Variants in MARCHF1 observed in about 807,000 individuals in gnomAD.
MARCHF1 encodes the protein membrane associated ring-CH-type finger 1.
A neutral mutation model predicts 54.2 loss-of-function variants in MARCHF1; 40 were observed. The observed-to-expected ratio is 0.74, with a 90% confidence interval of 0.57 to 0.96. MARCHF1 has a LOEUF of 0.96. Among genes scored for constraint, MARCHF1 ranks in the 40% least tolerant of loss-of-function variants. MARCHF1 has a pLI of 0.00. For missense variants in MARCHF1, 586 were observed against 656.5 expected, an observed-to-expected ratio of 0.89 and a Z score of 1.17; for synonymous variants, 236 against 236.3, an observed-to-expected ratio of 1.00 and a Z score of 0.01.
chr4:163,686,446 T>C (rs944337297), intron 5 of MARCHF1, among the ~76,000 whole-genome samples: 1 of 149,378 alleles, frequency 6.7e-6, no homozygotes, highest in African/African-American at 2.4e-5. Context: ...TGTTATTAGC[T>C]TGGTGCAAAA....
At chr4:164,110,149 C>A (rs189752131) in intron 2 of MARCHF1, among the ~76,000 whole-genome samples, 48 of 151,116 alleles carry the variant, frequency 3.2e-4, no homozygotes, top group Admixed American at 1.2e-3. Flanking sequence ...CACACACACA[C>A]ACACACACAG....
At chr4:163,913,103 C>T (rs1318311040) in intron 3 of MARCHF1, among the ~76,000 whole-genome samples, 1 of 152,062 alleles carries the variant, frequency 6.6e-6, no homozygotes, top group Non-Finnish European at 1.5e-5. Context: ...AGTGTAAGGC[C>T]TTTTTAAAAA....
At chr4:163,830,459 A>G (rs183043920) in intron 4 of MARCHF1, among the ~76,000 whole-genome samples, 3 of 152,280 alleles carry the variant, frequency 2.0e-5, no homozygotes, top group Admixed American at 2.0e-4. Flanking sequence ...TGGGGCTCTC[A>G]GAGAAGTAGC....
At chr4:163,834,752 A>G (rs901992090) in intron 4 of MARCHF1, among the ~76,000 whole-genome samples, 1 of 151,910 alleles carries the variant, frequency 6.6e-6, no homozygotes, top group African/African-American at 2.4e-5. Flanking sequence ...AACAATGAGA[A>G]CACATATTGG....
At chr4:163,909,817 A>G (rs1751150469) in intron 3 of MARCHF1, among the ~76,000 whole-genome samples, 1 of 152,194 alleles carries the variant, frequency 6.6e-6, no homozygotes, top group South Asian at 2.1e-4. Context: ...GGGCATAAAT[A>G]TAATTAAAAG....
intron 4 of MARCHF1, among the ~76,000 whole-genome samples, chr4:163,715,574 C>T (rs891556571): frequency 1.3e-5 from 2 of 152,030 alleles, no homozygotes; most frequent in Non-Finnish European, 2.9e-5. Flanking sequence ...TAAAGTGTTT[C>T]TAAGATTTCT....
chr4:163,792,114 T>A (rs1747788266), intron 4 of MARCHF1, among the ~76,000 whole-genome samples: 1 of 152,172 alleles, frequency 6.6e-6, no homozygotes, highest in Non-Finnish European at 1.5e-5. Flanking sequence ...TAACTTTTAC[T>A]TTTTTCATTC....
chr4:163,686,361 T>TGGG (rs1198187914), intron 5 of MARCHF1, among the ~76,000 whole-genome samples: 2 of 151,692 alleles, frequency 1.3e-5, no homozygotes, highest in African/African-American at 4.8e-5. Context: ...GTTTCTTCAT[T>TGGG]GGGGTTCACA....
chr4:163,940,921 T>C (rs905373685), intron 3 of MARCHF1, among the ~76,000 whole-genome samples: 3 of 152,060 alleles, frequency 2.0e-5, no homozygotes, highest in African/African-American at 4.8e-5. Context: ...CAATAAATAC[T>C]TGTTTTCATA....
intron 3 of MARCHF1, among the ~76,000 whole-genome samples, chr4:163,864,000 C>A (rs1472490090): frequency 1.3e-5 from 2 of 151,726 alleles, no homozygotes; most frequent in Non-Finnish European, 2.9e-5. Flanking sequence ...ACATAAACAC[C>A]CACAAGTCTA....
At chr4:164,032,839 A>C (rs1753907109) in intron 2 of MARCHF1, among the ~76,000 whole-genome samples, 1 of 152,160 alleles carries the variant, frequency 6.6e-6, no homozygotes, top group African/African-American at 2.4e-5. Context: ...AAGAGCCTGC[A>C]AAGCCAAGAC....
At chr4:164,240,450 T>G (rs552808872) in intron 1 of MARCHF1, among the ~76,000 whole-genome samples, 26 of 152,316 alleles carry the variant, frequency 1.7e-4, no homozygotes, top group Admixed American at 1.1e-3. Flanking sequence ...TCTTGCTTTA[T>G]GTCTGCATCA....
chr4:164,088,746 T>A (rs573394889), intron 2 of MARCHF1, among the ~76,000 whole-genome samples: 6 of 151,434 alleles, frequency 4.0e-5, no homozygotes, highest in Admixed American at 3.3e-4. Flanking sequence ...CTCAGAAAAA[T>A]TAAAATAAAA....
At chr4:163,762,694 A>C (rs907751777) in intron 4 of MARCHF1, among the ~76,000 whole-genome samples, 1 of 152,124 alleles carries the variant, frequency 6.6e-6, no homozygotes, top group Non-Finnish European at 1.5e-5. Context: ...AGTAATCAAA[A>C]ATTTACATAA....
intron 2 of MARCHF1, among the ~76,000 whole-genome samples, chr4:164,101,921 G>A (rs1755572037): frequency 6.7e-6 from 1 of 150,176 alleles, no homozygotes; most frequent in Admixed American, 6.7e-5. Flanking sequence ...GTGCTTAAAG[G>A]AGCTGATGGA....
intron 1 of MARCHF1, among the ~76,000 whole-genome samples, chr4:164,327,161 A>C (rs1034684221): frequency 2.6e-5 from 4 of 152,204 alleles, no homozygotes; most frequent in Admixed American, 1.3e-4. Flanking sequence ...ATATAGTCTT[A>C]ACTTCAAATA....
chr4:163,936,293 T>G (rs1751793519), intron 3 of MARCHF1, among the ~76,000 whole-genome samples: 1 of 152,182 alleles, frequency 6.6e-6, no homozygotes, highest in Admixed American at 6.5e-5. Flanking sequence ...AGACTTGAAG[T>G]GAGCACATGC....
chr4:163,711,494 C>T (rs1003770241), intron 4 of MARCHF1, among the ~76,000 whole-genome samples: 3 of 152,142 alleles, frequency 2.0e-5, no homozygotes, highest in African/African-American at 4.8e-5. Flanking sequence ...ACCAAGGCTC[C>T]TTTGCTCCTG....
chr4:163,548,724 G>A (rs373573148), intron 8 of MARCHF1, among the ~76,000 whole-genome samples: 2 of 152,288 alleles, frequency 1.3e-5, no homozygotes, highest in East Asian at 1.9e-4. Context: ...AGTAAATGGC[G>A]CTGGCAGAAA....
Sources: allele counts gnomAD v4.1 joint callset (sites outside exome capture counted in the v4.1 genomes callset), GRCh38; gene constraint gnomAD v4.1.1; transcripts MANE v1.5; gene names NCBI Gene and HGNC (gene_info 2026-07-23, HGNC 2026-07-21).